WWC2: variants seen among roughly 807,000 people sequenced by gnomAD.
The protein encoded by WWC2 is protein WWC2.
In WWC2, 101 loss-of-function variants were observed where a neutral mutation model predicts 138.5. The ratio of observed to expected loss-of-function variants is 0.73; its 90% CI spans 0.62 to 0.86. WWC2 has a LOEUF of 0.86. Among genes scored for constraint, WWC2 ranks in the 40% least tolerant of loss-of-function variants. WWC2 has a pLI of 0.00. For synonymous variants in WWC2, 558 were observed against 538.4 expected (o/e 1.04, Z -0.50); for missense variants, 1,420 against 1,419.4 (o/e 1.00, Z -0.01).
In WWC2 at chr4:183,264,980, G is replaced by T. The variant is rs779682212; in HGVS notation, c.1912G>T (p.Val638Leu). Residue 638 changes from valine (V) to leucine (L), a missense_variant and splice_region_variant, in exon 12 of 23, where the codon GTG becomes TTG. By Grantham distance (32) the Val-to-Leu change is conservative. Transcript: ENST00000403733. ...TGCTCTCACCCTCCCCTCCATAGATGTGGAAAAATCATTACCAAAAAGAAG... is the reference window on the plus strand; with the variant it reads ...TGCTCTCACCCTCCCCTCCATAGATTTGGAAAAATCATTACCAAAAAGAAG... ...REPLYEGTADVEKSLPKRRVI... is the reference protein window; with the variant it reads ...REPLYEGTADLEKSLPKRRVI... 4 of 1,611,734 alleles carry T rather than the reference G, an allele frequency of 2.5e-6. No individual in the cohort carries two copies. In the African/African-American group the frequency reaches 4.0e-5, roughly 16 times the overall value.
intron 20 of WWC2, among the ~76,000 whole-genome samples, chr4:183,288,827 T>C (rs1163960509): frequency 6.6e-6 from 1 of 152,190 alleles, no homozygotes; most frequent in Non-Finnish European, 1.5e-5. Flanking sequence ...GAGGAGATAG[T>C]CAAAACTTAG....
At chr4:183,195,288 TA>T (rs1395079842) in intron 2 of WWC2, among the ~76,000 whole-genome samples, 3 of 152,240 alleles carry the variant, frequency 2.0e-5, no homozygotes, top group Non-Finnish European at 4.4e-5. Flanking sequence ...TTTCTTTCCT[TA>T]AAGTAGTATT....
In WWC2 at chr4:183,315,694, A is replaced by G; in HGVS notation, c.3544A>G (p.Ile1182Val). ...GATTGCCTACTTCACCAGAGCAAAG[A>G]TAAGCATCCCATCCCTGCCAGCTGA... ...EKIAYFTRAK[I>V]SIPSLPADDV The change falls in exon 23 of 23, where the codon ATA (isoleucine) becomes GTA (valine). Residue 1182 changes from isoleucine (I) to valine (V), a missense_variant. Ile to Val is a conservative substitution (Grantham distance 29, BLOSUM62 3). Transcript: ENST00000403733. 1 of 1,613,566 alleles carries G rather than the reference A, an allele frequency of 6.2e-7. No homozygotes were observed.
At chr4:183,264,578 T>C (rs958945223) in intron 11 of WWC2, among the ~76,000 whole-genome samples, 4 of 152,352 alleles carry the variant, frequency 2.6e-5, no homozygotes, top group African/African-American at 4.8e-5. Context: ...TGGAAACTTA[T>C]CCATTGAGTA....
chr4:183,297,877 A>G (rs933138186), intron 21 of WWC2, among the ~76,000 whole-genome samples: 3 of 152,230 alleles, frequency 2.0e-5, no homozygotes, highest in African/African-American at 7.2e-5. Flanking sequence ...CAGAGGAGAA[A>G]TGAGGAAGAA....
At chr4:183,303,481 C>T (rs903196949) in intron 21 of WWC2, among the ~76,000 whole-genome samples, 125 of 152,286 alleles carry the variant, frequency 8.2e-4, no homozygotes, top group African/African-American at 2.9e-3. Context: ...GGGTGGAGGA[C>T]AGCAAATGGG....
chr4:183,116,279 A>G (rs1049972625), intron 1 of WWC2, among the ~76,000 whole-genome samples: 2 of 152,320 alleles, frequency 1.3e-5, no homozygotes, highest in South Asian at 2.1e-4. Flanking sequence ...GACAAGTACC[A>G]TAAGTTATGT....
chr4:183,289,700 A>G, intron 21 of WWC2, 65 bp downstream of exon 21: 2 of 1,569,504 alleles, frequency 1.3e-6, no homozygotes, highest in Non-Finnish European at 8.6e-7. Flanking sequence ...TGCCATGTAG[A>G]AGGTACCCAA....
At chr4:183,244,476 A>G (rs929314044) in intron 5 of WWC2, among the ~76,000 whole-genome samples, 2 of 152,068 alleles carry the variant, frequency 1.3e-5, no homozygotes, top group African/African-American at 2.4e-5. Context: ...AGAAATGACT[A>G]CTGCCCTTCT....
Position 183,193,821 on chromosome 4 carries a change from C to G in WWC2, c.241+113C>G, listed in dbSNP as rs1248080994. ...AAGTGAATTTCCAAAACCCCATTTT[C>G]TTAGTGACTAATATTTAACTGAAGT... On this transcript the variant is annotated intron_variant, in intron 2 of 22. Coordinates refer to ENST00000403733, the MANE Select transcript of WWC2 (RefSeq NM_024949.6). 19 of 888,218 alleles carry G rather than the reference C, an allele frequency of 2.1e-5. No individual in the cohort carries two copies. In the Admixed American group the frequency reaches 3.8e-4, roughly 18 times the overall value. The allele number at this position is 888,218 out of a possible 1,614,324, so 55.0% of individuals were successfully genotyped here.
chr4:183,240,059 A>G (rs1444821612), intron 4 of WWC2, 124 bp from the exon 5 acceptor site: 2 of 653,574 alleles, frequency 3.1e-6, no homozygotes, highest in Non-Finnish European at 5.0e-6. Context: ...CTGATAAAGT[A>G]AATGTTACTT....
Position 183,312,585 on chromosome 4 carries a change from C to T in WWC2, c.3512+117C>T, listed in dbSNP as rs1466012981. ...GGATCCGAGACAGAAGTCCTCTGTT[C>T]TCTACCTTGAATATATAATTTTCCA... On this transcript the variant is annotated intron_variant, in intron 22 of 22. Transcript: ENST00000403733. The T allele has an allele frequency of 9.1e-6, 13 of 1,427,592 alleles. No individual in the cohort carries two copies. In the Admixed American group the frequency reaches 1.7e-4, roughly 18 times the overall value. 88.4% of individuals were successfully genotyped at this position (1,427,592 alleles called of 1,614,324 possible).
intron 4 of WWC2, among the ~76,000 whole-genome samples, chr4:183,238,716 C>CA (rs1324077246): frequency 1.3e-5 from 2 of 152,206 alleles, no homozygotes; most frequent in African/African-American, 4.8e-5. Flanking sequence ...TTTCCTCAGA[C>CA]AGGCTCCACC....
chr4:183,269,711 C>G (rs1267933166), intron 15 of WWC2: 3 of 353,134 alleles, frequency 8.5e-6, no homozygotes, highest in Non-Finnish European at 1.7e-5. Context: ...TTAAGCAAGA[C>G]CACTGAGTAC....
At chr4:183,155,455 A>C (rs1444653448) in intron 1 of WWC2, among the ~76,000 whole-genome samples, 1 of 152,140 alleles carries the variant, frequency 6.6e-6, no homozygotes, top group Non-Finnish European at 1.5e-5. Flanking sequence ...TATCTTTTGA[A>C]GGGTTTTGCT....
intron 1 of WWC2, among the ~76,000 whole-genome samples, chr4:183,182,596 G>A (rs1194766882): frequency 6.6e-6 from 1 of 152,116 alleles, no homozygotes; most frequent in African/African-American, 2.4e-5. Context: ...TTCTTCCGTG[G>A]CATAAAAATA....
chr4:183,193,692 C>A lies in WWC2; in HGVS notation c.225C>A (p.Tyr75Ter). The change falls in exon 2 of 23, where the codon TAC (tyrosine) becomes TAA (stop). Residue 75 changes from tyrosine to a stop codon, truncating the protein, a stop_gained. Transcript: ENST00000403733. LOFTEE classifies it high-confidence loss of function. ...AGFDPQIGVY[Y>*]IDHINKTTQI... ...TTGACCCTCAGATTGGTGTCTACTA[C>A]ATCGATCACATCAACAGTAAGTTTT... 1 of 1,613,448 alleles carries A rather than the reference C, an allele frequency of 6.2e-7. No homozygotes were observed.
In WWC2 at chr4:183,139,915, C is replaced by G. The variant is rs563468832; in HGVS notation, c.131+40293C>G. Among the ~76,000 whole-genome samples, 3 of 152,280 alleles carry G rather than the reference C, an allele frequency of 2.0e-5. No homozygotes were observed. The East Asian group carries it at 5.8e-4, about 29-fold the overall frequency. ...GCAACCTCCATCTCCCGGGTGCAAG[C>G]AATCCTCCTGCTTCAGCCTCCCGAG... On this transcript the variant is annotated intron_variant, in intron 1 of 22. Transcript: ENST00000403733.
At chr4:183,296,687 A>G (rs916332681) in intron 21 of WWC2, among the ~76,000 whole-genome samples, 7 of 151,962 alleles carry the variant, frequency 4.6e-5, no homozygotes, top group Non-Finnish European at 1.0e-4. Flanking sequence ...TAATCCCAGC[A>G]CTTTGCGAGG....
Sources: allele counts gnomAD v4.1 joint callset (sites outside exome capture counted in the v4.1 genomes callset), GRCh38; gene constraint gnomAD v4.1.1; transcripts MANE v1.5; gene names NCBI Gene and HGNC (gene_info 2026-07-23, HGNC 2026-07-21).